SMCHD1: variants seen among roughly 807,000 people sequenced by gnomAD.
SMCHD1 encodes the protein structural maintenance of chromosomes flexible hinge domain-containing protein 1.
Under a neutral mutation model 254.7 loss-of-function variants are expected in SMCHD1, and 78 were observed. The ratio of observed to expected loss-of-function variants is 0.31; its 90% CI spans 0.26 to 0.37. SMCHD1 has a LOEUF of 0.37. SMCHD1 is among the 10% of genes least tolerant of loss of function. The probability of loss-of-function intolerance (pLI) is 1.00; values close to 1 mark genes in which losing one functional copy is unlikely to be tolerated. For synonymous variants in SMCHD1, 766 were observed against 794.9 expected (o/e 0.96, Z 0.61); for missense variants, 1,840 against 2,408.1 (o/e 0.76, Z 4.94).
At position 2,755,587 on chromosome 18, in the gene SMCHD1, A is replaced by C. The variant is rs536281877; in HGVS notation, c.4346+3035A>C. Among the ~76,000 whole-genome samples the C allele has an allele frequency of 1.2e-4, 4 of 34,378 alleles. No homozygotes were observed. In the East Asian group the frequency reaches 2.5e-3, roughly 21 times the overall value. 22.6% of individuals were successfully genotyped at this position (34,378 alleles called of 152,430 possible). On this transcript the variant is annotated intron_variant, in intron 34 of 47. Coordinates refer to ENST00000320876, the MANE Select transcript of SMCHD1 (RefSeq NM_015295.3). ...TTTCTTTTTTTTTTTTTTTTTTTTG[A>C]GATGGAGTCTTGCTCTGTCTCCCAG...
At chr18:2,662,220 G>T (rs1964431) in intron 1 of SMCHD1, among the ~76,000 whole-genome samples, 69,257 of 128,106 alleles carry the variant, frequency 0.54, 20,350 homozygotes, top group African/African-American at 0.74. Context: ...AAGAAAGAAA[G>T]AAAGAAAAAA....
At chr18:2,786,167 C>A (rs2076236952) in intron 45 of SMCHD1, among the ~76,000 whole-genome samples, 1 of 152,096 alleles carries the variant, frequency 6.6e-6, no homozygotes, top group African/African-American at 2.4e-5. Flanking sequence ...ACATGCGCCA[C>A]CACACCTGGC....
intron 34 of SMCHD1, among the ~76,000 whole-genome samples, chr18:2,757,789 A>G (rs1373029389): frequency 6.6e-6 from 1 of 152,016 alleles, no homozygotes; most frequent in Non-Finnish European, 1.5e-5. Context: ...TCCAAGTATG[A>G]ACGAAGATTT....
At chr18:2,700,033 T>G (rs1185153873) in intron 10 of SMCHD1, among the ~76,000 whole-genome samples, 3 of 152,254 alleles carry the variant, frequency 2.0e-5, no homozygotes, top group African/African-American at 7.2e-5. Context: ...GTGTACATTT[T>G]TCATGCTTAC....
At chr18:2,733,156 A>C (rs951966385) in intron 25 of SMCHD1, among the ~76,000 whole-genome samples, 1 of 152,204 alleles carries the variant, frequency 6.6e-6, no homozygotes, top group Non-Finnish European at 1.5e-5. Context: ...TGGACAGTCT[A>C]TGCTTGCTTC....
intron 38 of SMCHD1, 23 bp downstream of exon 38, chr18:2,769,843 G>A: frequency 1.9e-6 from 3 of 1,585,016 alleles, no homozygotes; most frequent in Non-Finnish European, 1.7e-6. Context: ...GAAATAAATG[G>A]TTAAACTCCG....
intron 33 of SMCHD1, 74 bp downstream of exon 33, chr18:2,751,467 G>A (rs1205633915): frequency 1.3e-6 from 1 of 792,430 alleles, no homozygotes; most frequent in Non-Finnish European, 2.0e-6. Context: ...CTCCTTTAAT[G>A]TAAATATATA....
At chr18:2,680,158 C>T (rs998987247) in intron 5 of SMCHD1, among the ~76,000 whole-genome samples, 3 of 152,098 alleles carry the variant, frequency 2.0e-5, no homozygotes, top group Non-Finnish European at 4.4e-5. Flanking sequence ...TTAAAATAGC[C>T]GAGCTTCTTC....
rs73365837 is a variant in SMCHD1 at position 2,722,688 on chromosome 18, T to G, written c.2603+25T>G. 9.3e-3 allele frequency: 14,711 copies of G among 1,579,372 alleles called. 1,069 individuals carry two copies. The African/African-American group carries it at 0.17, about 18-fold the overall frequency. On this transcript the variant is annotated intron_variant, in intron 20 of 47. Transcript: ENST00000320876. Reference sequence around the variant, plus strand: ...GGTAATTTGAAGGATCAATATGTATTTGTCCTTTGATATTTGCTAAGCATT... The same window carrying G: ...GGTAATTTGAAGGATCAATATGTATGTGTCCTTTGATATTTGCTAAGCATT...
At chr18:2,797,537 G>T (rs2143866490) in intron 47 of SMCHD1, among the ~76,000 whole-genome samples, 1 of 152,302 alleles carries the variant, frequency 6.6e-6, no homozygotes, top group Non-Finnish European at 1.5e-5. Context: ...ACTCTGTGTT[G>T]TATGTTGCTG....
At chr18:2,740,418 T>A (rs955914208) in intron 27 of SMCHD1, among the ~76,000 whole-genome samples, 1 of 152,272 alleles carries the variant, frequency 6.6e-6, no homozygotes, top group Admixed American at 6.5e-5. Flanking sequence ...TATTTTTTCT[T>A]ATATCTAGAA....
chr18:2,769,735 T>C lies in SMCHD1; in HGVS notation c.4761T>C (p.Thr1587=). 1 of 1,602,688 alleles carries C rather than the reference T, an allele frequency of 6.2e-7. No individual in the cohort carries two copies. Among genetic ancestry groups the C allele is most frequent in the Non-Finnish European group, 8.5e-7 (1 of 1,173,442 alleles). ...AAAGTAGTCCTGGAAGGGATAGTAC[T>C]GAATATTTTATTGTATTTGAGCCCC... ...LAESSPGRDS[T]EYFIVFEPRL... is the part of the protein sequence containing the mutation. The change falls in exon 38 of 48, where the codon ACT becomes ACC. Residue 1587 remains threonine (T), a synonymous_variant. Coordinates refer to ENST00000320876, the MANE Select transcript of SMCHD1 (RefSeq NM_015295.3).
intron 13 of SMCHD1, among the ~76,000 whole-genome samples, chr18:2,705,272 G>A (rs899038151): frequency 1.3e-5 from 2 of 152,144 alleles, no homozygotes; most frequent in African/African-American, 4.8e-5. Context: ...CAAGTAAGGA[G>A]AAGAAATATG....
At position 2,784,787 on chromosome 18, in the gene SMCHD1, T is replaced by C. The variant is rs1244269436; in HGVS notation, c.5719+166T>C. 4.1e-6 allele frequency: 3 copies of C among 732,662 alleles called. No homozygotes were observed. In the African/African-American group the frequency reaches 5.2e-5, roughly 13 times the overall value. The allele number at this position is 732,662 out of a possible 1,614,324, so 45.4% of individuals were successfully genotyped here. On this transcript the variant is annotated intron_variant, in intron 45 of 47. Coordinates refer to ENST00000320876, the MANE Select transcript of SMCHD1 (RefSeq NM_015295.3). The stretch of plus-strand genomic sequence containing the variant: ...CTACTTTCAGCTTTTTTATATCAGG[T>C]AGTTTAGAGTTATGTAAATAGTAGC...
chr18:2,705,683 CTAAA>C lies in SMCHD1; in HGVS notation c.1843-8_1843-5del, dbSNP rs765362255. 27 of 1,239,068 alleles carry C rather than the reference CTAAA, an allele frequency of 2.2e-5. No homozygotes were observed. Among genetic ancestry groups the C allele is most frequent in the Non-Finnish European group, 3.0e-5 (27 of 894,796 alleles). 76.8% of individuals were successfully genotyped at this position (1,239,068 alleles called of 1,614,324 possible). ...CTGAAGCTTTTTTTTTTTTTAAAAA[CTAAA>C]TATTAGGTCAAGACAATCAAGACAC... On this transcript the variant is annotated splice_polypyrimidine_tract_variant and splice_region_variant and intron_variant, in intron 13 of 47. Transcript: ENST00000320876.
At chr18:2,740,286 G>A (rs940009250) in intron 27 of SMCHD1, among the ~76,000 whole-genome samples, 1 of 152,118 alleles carries the variant, frequency 6.6e-6, no homozygotes, top group Non-Finnish European at 1.5e-5. Context: ...TGGCTGCATA[G>A]TATTCCATGG....
chr18:2,725,552 A>G (rs1360642314), intron 21 of SMCHD1, among the ~76,000 whole-genome samples: 1 of 152,000 alleles, frequency 6.6e-6, no homozygotes, highest in Admixed American at 6.6e-5. Context: ...AGTTAGGTCT[A>G]TAAAGCAGCT....
intron 17 of SMCHD1, among the ~76,000 whole-genome samples, chr18:2,714,130 C>T (rs530780500): frequency 1.6e-3 from 244 of 152,192 alleles, no homozygotes; most frequent in African/African-American, 5.6e-3. Context: ...CTTTCTATGT[C>T]TTCTTAGGCC....
intron 47 of SMCHD1, 32 bp from the exon 48 acceptor site, chr18:2,802,496 A>T (rs746793195): frequency 6.5e-7 from 1 of 1,541,494 alleles, no homozygotes; most frequent in South Asian, 1.2e-5. Flanking sequence ...CCTTTGGTAC[A>T]TAAAACTTTT....
Sources: allele counts gnomAD v4.1 joint callset (sites outside exome capture counted in the v4.1 genomes callset), GRCh38; gene constraint gnomAD v4.1.1; transcripts MANE v1.5; gene names NCBI Gene and HGNC (gene_info 2026-07-23, HGNC 2026-07-21).